DNER: variants seen among roughly 807,000 people sequenced by gnomAD.
The protein encoded by DNER is delta/notch like EGF repeat containing.
A neutral mutation model predicts 78.2 loss-of-function variants in DNER; 33 were observed. The observed-to-expected ratio is 0.42, with a 90% CI of 0.32 to 0.56. The LOEUF (loss-of-function observed/expected upper bound fraction) is 0.56. Among genes scored for constraint, DNER ranks in the 20% least tolerant of loss-of-function variants. The pLI is 0.11. For synonymous variants in DNER, 417 were observed against 384.8 expected, an observed-to-expected ratio of 1.08 and a Z score of -0.98; for missense variants, 918 against 975.3, an observed-to-expected ratio of 0.94 and a Z score of 0.78.
intron 1 of DNER, among the ~76,000 whole-genome samples, chr2:229,702,617 G>A (rs566024132): frequency 6.6e-6 from 1 of 151,220 alleles, no homozygotes; most frequent in South Asian, 2.1e-4. Context: ...ACAGATCCCA[G>A]GTTAAGAATC....
intron 8 of DNER, among the ~76,000 whole-genome samples, chr2:229,428,315 A>G (rs1421599880): frequency 6.6e-6 from 1 of 152,142 alleles, no homozygotes; most frequent in Non-Finnish European, 1.5e-5. Flanking sequence ...GAGTGGTGAC[A>G]GGGCCATGTG....
At chr2:229,426,237 C>A (rs1336866573) in intron 8 of DNER, among the ~76,000 whole-genome samples, 2 of 151,844 alleles carry the variant, frequency 1.3e-5, no homozygotes, top group Non-Finnish European at 2.9e-5. Context: ...GTCAGGAGAT[C>A]GAGACCATCC....
At chr2:229,387,499 GAA>G (rs869117671) in intron 11 of DNER, among the ~76,000 whole-genome samples, 143 of 91,446 alleles carry the variant, frequency 1.6e-3, no homozygotes, top group African/African-American at 4.8e-3. Flanking sequence ...AAGAAAGAAA[GAA>G]AGAAAGAGAG....
At chr2:229,524,952 T>C (rs1183391759) in intron 5 of DNER, among the ~76,000 whole-genome samples, 1 of 152,218 alleles carries the variant, frequency 6.6e-6, no homozygotes, top group Non-Finnish European at 1.5e-5. Flanking sequence ...GGGAGATGGA[T>C]GTGACGAACT....
At chr2:229,614,776 C>T (rs1396563354) in intron 1 of DNER, among the ~76,000 whole-genome samples, 1 of 152,160 alleles carries the variant, frequency 6.6e-6, no homozygotes, top group African/African-American at 2.4e-5. Context: ...AAGACCAGTG[C>T]CCACTTTCCT....
At chr2:229,551,491 A>C (rs1559164370) in intron 4 of DNER, among the ~76,000 whole-genome samples, 1 of 152,018 alleles carries the variant, frequency 6.6e-6, no homozygotes, top group African/African-American at 2.4e-5. Context: ...AAAATTAGCC[A>C]GGCGTGATGG....
At chr2:229,359,011 T>C (rs1476830973) in intron 12 of DNER, among the ~76,000 whole-genome samples, 3 of 152,202 alleles carry the variant, frequency 2.0e-5, no homozygotes. Context: ...GAGTTTATTT[T>C]ATATCTACTC....
Position 229,608,945 on chromosome 2 carries a change from G to A in DNER, c.277-17057C>T, listed in dbSNP as rs557544641. The stretch of plus-strand genomic sequence containing the variant: ...TTTAATTAAAAATGTGATCTTGGTC[G>A]GGCACAGTGGCTCACGCCTGTAATT... On this transcript the variant is annotated intron_variant, in intron 1 of 12. Transcript: ENST00000341772. Among the ~76,000 whole-genome samples, 48 of 152,212 alleles carry A rather than the reference G, an allele frequency of 3.2e-4. No individual in the cohort carries two copies. The South Asian group carries it at 7.7e-3, about 24-fold the overall frequency.
intron 10 of DNER, among the ~76,000 whole-genome samples, chr2:229,402,115 A>C (rs1484185356): frequency 6.6e-6 from 1 of 151,068 alleles, no homozygotes; most frequent in African/African-American, 2.4e-5. Context: ...AAGATTTCTT[A>C]CAATACCAGA....
intron 1 of DNER, among the ~76,000 whole-genome samples, chr2:229,690,766 A>C (rs1449114759): frequency 6.6e-6 from 1 of 152,216 alleles, no homozygotes; most frequent in Non-Finnish European, 1.5e-5. Flanking sequence ...TAAGTTACAA[A>C]GGAGGTAGAA....
chr2:229,419,803 C>G lies in DNER; in HGVS notation c.1487-1573G>C, dbSNP rs114469901. Reference sequence around the variant, plus strand: ...TTACCCTTCATTAGATTATTTTCATCATGTAGATAAGAGGTACTCAACTAG... The same window carrying G: ...TTACCCTTCATTAGATTATTTTCATGATGTAGATAAGAGGTACTCAACTAG... On this transcript the variant is annotated intron_variant, in intron 8 of 12. Transcript: ENST00000341772. Among the ~76,000 whole-genome samples the G allele has an allele frequency of 9.3e-3, 1,402 of 151,514 alleles. 25 individuals carry two copies. The highest frequency in any genetic ancestry group is 0.032 in the African/African-American group (1,315 of 41,196).
Position 229,503,512 on chromosome 2 carries a change from G to A in DNER, c.1147+9271C>T, listed in dbSNP as rs577845191. ...TCGAAAGAGTCTCAGAGCAAGAGAC[G>A]ACATTGTCTCAGCTCAATTATAACA... On this transcript the variant is annotated intron_variant, in intron 6 of 12. Transcript: ENST00000341772. Among the ~76,000 whole-genome samples the A allele has an allele frequency of 1.2e-4, 19 of 152,270 alleles. No homozygotes were observed. The East Asian group carries it at 2.9e-3, about 23-fold the overall frequency.
At chr2:229,676,382 A>G (rs562334498) in intron 1 of DNER, among the ~76,000 whole-genome samples, 1 of 152,314 alleles carries the variant, frequency 6.6e-6, no homozygotes, top group Admixed American at 6.5e-5. Flanking sequence ...TCCAAAAGTC[A>G]GTTGTGAAGA....
At chr2:229,398,915 G>A (rs890651021) in intron 10 of DNER, among the ~76,000 whole-genome samples, 4 of 151,726 alleles carry the variant, frequency 2.6e-5, no homozygotes, top group African/African-American at 9.7e-5. Context: ...GAATAGAGAG[G>A]AACTTCCTCA....
intron 1 of DNER, among the ~76,000 whole-genome samples, chr2:229,624,245 C>G (rs573826955): frequency 5.9e-5 from 9 of 152,080 alleles, no homozygotes; most frequent in Admixed American, 1.3e-4. Context: ...AAACACAACT[C>G]TAAGTTAAAA....
chr2:229,644,656 T>C lies in DNER; in HGVS notation c.277-52768A>G, dbSNP rs187877269. Among the ~76,000 whole-genome samples, 9 of 152,214 alleles carry C rather than the reference T, an allele frequency of 5.9e-5. No homozygotes were observed. The East Asian group carries it at 1.7e-3, about 29-fold the overall frequency. On this transcript the variant is annotated intron_variant, in intron 1 of 12. Transcript: ENST00000341772. The stretch of plus-strand genomic sequence containing the variant: ...GTTTATTTTTCAGTATTGTGTTAAG[T>C]ATAGATGCTCCCAAACTCAAGGGTC...
intron 6 of DNER, among the ~76,000 whole-genome samples, chr2:229,493,261 G>GA (rs1695440499): frequency 6.6e-6 from 1 of 152,186 alleles, no homozygotes; most frequent in Non-Finnish European, 1.5e-5. Flanking sequence ...CTTTGAAGTT[G>GA]AAAAATGCTT....
At chr2:229,509,126 C>T (rs999189459) in intron 6 of DNER, among the ~76,000 whole-genome samples, 10 of 151,986 alleles carry the variant, frequency 6.6e-5, no homozygotes, top group African/African-American at 2.4e-4. Context: ...TCGGAGAGTG[C>T]CACAGACCGG....
rs181886357 is a variant in DNER at position 229,452,667 on chromosome 2, A to G, written c.1262-5127T>C. ...TTTTTGAGATGGAGTCTTGCTCCGT[A>G]GCCCAGGCTGAAGTGCAGTGGCATG... On this transcript the variant is annotated intron_variant, in intron 7 of 12. Coordinates refer to ENST00000341772, the MANE Select transcript of DNER (RefSeq NM_139072.4). 5.3e-3 allele frequency among the ~76,000 whole-genome samples: 800 copies of G among 152,238 alleles called. 8 individuals carry two copies. The highest frequency in any genetic ancestry group is 0.018 in the African/African-American group (768 of 41,556).
Sources: allele counts gnomAD v4.1 joint callset (sites outside exome capture counted in the v4.1 genomes callset), GRCh38; gene constraint gnomAD v4.1.1; transcripts MANE v1.5; gene names NCBI Gene and HGNC (gene_info 2026-07-23, HGNC 2026-07-21).